The following SYTL4 variants were observed in gnomAD, a reference collection of about 807,000 sequenced individuals.
SYTL4 encodes the protein synaptotagmin like 4, also known as synaptotagmin-like protein 4.
SYTL4 carries 16 observed loss-of-function variants against 52.7 expected under a neutral mutation model. The ratio of observed to expected loss-of-function variants is 0.30; its 90% CI spans 0.21 to 0.46. SYTL4 has a LOEUF of 0.46. Among genes scored for constraint, SYTL4 ranks in the 20% least tolerant of loss-of-function variants. The probability of loss-of-function intolerance (pLI) is 1.00; values close to 1 mark genes in which losing one functional copy is unlikely to be tolerated. For synonymous variants in SYTL4, 160 were observed against 186.6 expected, an observed-to-expected ratio of 0.86 and a Z score of 1.16; for missense variants, 423 against 519.9, an observed-to-expected ratio of 0.81 and a Z score of 1.81.
chrX:100,723,915 A>G (rs1436708391), intron 2 of SYTL4, among the ~76,000 whole-genome samples: 1 of 86,257 alleles, frequency 1.2e-5, no homozygotes, highest in Non-Finnish European at 2.2e-5. Context: ...TCCGGGAGGG[A>G]GGTGGGGGGT....
At chrX:100,705,376 G>A (rs1341251823) in intron 2 of SYTL4, among the ~76,000 whole-genome samples, 2 of 111,995 alleles carry the variant, frequency 1.8e-5, no homozygotes, top group South Asian at 3.7e-4. Context: ...AAGTGAAATT[G>A]CAGGGATTCA....
chrX:100,710,495 C>A (rs1028733560), intron 2 of SYTL4, among the ~76,000 whole-genome samples: 1 of 111,628 alleles, frequency 9.0e-6, no homozygotes, highest in African/African-American at 3.3e-5. Flanking sequence ...TTAAATTGGG[C>A]TACAAATTTT....
intron 8 of SYTL4, among the ~76,000 whole-genome samples, chrX:100,693,534 C>G (rs1172803535): frequency 1.8e-5 from 2 of 112,087 alleles, no homozygotes; most frequent in Non-Finnish European, 3.8e-5. Context: ...TGGTCCAAAC[C>G]ACCATCATGT....
chrX:100,708,991 T>C, intron 2 of SYTL4, among the ~76,000 whole-genome samples: 1 of 111,900 alleles, frequency 8.9e-6, no homozygotes, highest in African/African-American at 3.3e-5. Context: ...TGAAGGTAGG[T>C]ACTATATCTG....
intron 2 of SYTL4, among the ~76,000 whole-genome samples, chrX:100,721,874 T>TGTGG (rs1269550130): frequency 9.0e-6 from 1 of 110,809 alleles, no homozygotes; most frequent in African/African-American, 3.3e-5. Context: ...TGATCTTGGC[T>TGTGG]CACTGCAACC....
intron 14 of SYTL4, 118 bp downstream of exon 14, chrX:100,686,949 C>T: frequency 1.1e-6 from 1 of 921,912 alleles, no homozygotes; most frequent in Non-Finnish European, 1.5e-6. Flanking sequence ...GGTTCTTTTC[C>T]TACATTACAC....
In SYTL4 at chrX:100,722,739, T is replaced by A. The variant is rs1175859767; in HGVS notation, c.-240+8679A>T. Among the ~76,000 whole-genome samples, 3 of 112,030 alleles carry A rather than the reference T, an allele frequency of 2.7e-5. No individual in the cohort carries two copies. In the Admixed American group the frequency reaches 2.8e-4, roughly 11 times the overall value. On this transcript the variant is annotated intron_variant, in intron 2 of 19. Coordinates refer to ENST00000372989, the MANE Select transcript of SYTL4 (RefSeq NM_001370165.1). The stretch of plus-strand genomic sequence containing the variant: ...CTTGCTACTACCCTTTCTCTGCTCT[T>A]CAAAGCCAGACAGATTTCTCTAAGG...
chrX:100,711,801 G>GGC (rs1240872939), intron 2 of SYTL4, among the ~76,000 whole-genome samples: 4 of 108,517 alleles, frequency 3.7e-5, no homozygotes, highest in Non-Finnish European at 7.6e-5. Context: ...TATACCATGT[G>GGC]GCACACCATA....
intron 19 of SYTL4, among the ~76,000 whole-genome samples, chrX:100,677,990 G>A (rs1003922889): frequency 8.9e-6 from 1 of 112,108 alleles, no homozygotes; most frequent in African/African-American, 3.2e-5. Flanking sequence ...GACGATTATA[G>A]AAGTGAGGTC....
At chrX:100,676,263 C>T in intron 19 of SYTL4, 87 bp from the exon 20 acceptor site, 1 of 1,033,471 alleles carries the variant, frequency 9.7e-7, no homozygotes, top group Non-Finnish European at 1.3e-6. Flanking sequence ...ATTAGCCACC[C>T]CATAACAGTT....
chrX:100,690,979 A>G, intron 9 of SYTL4, 129 bp downstream of exon 9: 1 of 500,415 alleles, frequency 2.0e-6, no homozygotes, highest in East Asian at 3.7e-5. Flanking sequence ...GCTACTGAAA[A>G]GACTTCTGTT....
intron 2 of SYTL4, among the ~76,000 whole-genome samples, chrX:100,724,269 G>A (rs2084452691): frequency 9.5e-6 from 1 of 105,456 alleles, no homozygotes; most frequent in Admixed American, 9.7e-5. Context: ...GCCCCGCCCG[G>A]CCAGCCGCCC....
At chrX:100,714,870 T>C (rs1383683839) in intron 2 of SYTL4, among the ~76,000 whole-genome samples, 1 of 112,168 alleles carries the variant, frequency 8.9e-6, no homozygotes, top group Non-Finnish European at 1.9e-5. Context: ...GATGTTCAAG[T>C]AGCTGTATCA....
At chrX:100,685,138 T>TA (rs1288021202) in intron 16 of SYTL4, 1 of 112,323 alleles carries the variant, frequency 8.9e-6, no homozygotes, top group Non-Finnish European at 1.9e-5. Context: ...TTAATTTTCT[T>TA]AATATGGTAA....
intron 2 of SYTL4, among the ~76,000 whole-genome samples, chrX:100,709,478 G>C (rs1310769569): frequency 2.7e-5 from 3 of 111,970 alleles, no homozygotes; most frequent in African/African-American, 9.7e-5. Context: ...CTCCAGCCTG[G>C]GCGACAGAGT....
chrX:100,681,377 A>C, intron 16 of SYTL4, 42 bp from the exon 17 acceptor site: 2 of 1,073,366 alleles, frequency 1.9e-6, no homozygotes, highest in South Asian at 2.0e-5. Flanking sequence ...TGGGCTTCTC[A>C]AGAATTGTTG....
intron 7 of SYTL4, 86 bp from the exon 8 acceptor site, chrX:100,701,085 C>T: frequency 2.2e-6 from 2 of 916,699 alleles, no homozygotes; most frequent in Non-Finnish European, 1.6e-6. Context: ...CCCTGAAATA[C>T]ACCATGCTTG....
At chrX:100,726,439 G>T (rs1416863634) in intron 2 of SYTL4, among the ~76,000 whole-genome samples, 1 of 110,071 alleles carries the variant, frequency 9.1e-6, no homozygotes, top group African/African-American at 3.3e-5. Context: ...CTTGTTGGGG[G>T]CGGAGGGGCT....
chrX:100,727,499 A>G (rs1220863465), intron 2 of SYTL4, among the ~76,000 whole-genome samples: 2 of 112,898 alleles, frequency 1.8e-5, no homozygotes. Context: ...TGAAAGGGTA[A>G]ACCCTCTTAG....
Sources: allele counts gnomAD v4.1 joint callset (sites outside exome capture counted in the v4.1 genomes callset), GRCh38; gene constraint gnomAD v4.1.1; transcripts MANE v1.5; gene names NCBI Gene and HGNC (gene_info 2026-07-23, HGNC 2026-07-21).